The following NPAS4 variants were observed in gnomAD, a reference collection of about 807,000 sequenced individuals.
The protein encoded by NPAS4 is neuronal PAS domain-containing protein 4.
In NPAS4, 10 loss-of-function variants were observed where a neutral mutation model predicts 64.0. That is an observed-to-expected ratio of 0.16 (90% CI 0.10 to 0.26). The LOEUF is 0.26. Among genes scored for constraint, NPAS4 ranks in the 10% least tolerant of loss-of-function variants. NPAS4 has a pLI of 1.00. For missense variants in NPAS4, 886 were observed against 992.6 expected, an observed-to-expected ratio of 0.89 and a Z score of 1.44; for synonymous variants, 441 against 411.7, an observed-to-expected ratio of 1.07 and a Z score of -0.86.
At chr11:66,419,239 T>C (rs1473938545), upstream of NPAS4, among the ~76,000 whole-genome samples, 1 of 152,090 alleles carries the variant, frequency 6.6e-6, no homozygotes, top group Non-Finnish European at 1.5e-5. Flanking sequence ...CATCGTTCCC[T>C]CCACCTCAGC....
At chr11:66,420,962 CG>C (rs1856731420), upstream of NPAS4, 3 of 525,110 alleles carry the variant, frequency 5.7e-6, no homozygotes, top group African/African-American at 5.8e-5. Flanking sequence ...CCCGCTCTCC[CG>C]CCCCCCCGGC....
At chr11:66,411,778 G>T in the NPAS4 span, among the ~76,000 whole-genome samples, 1 of 152,154 alleles carries the variant, frequency 6.6e-6, no homozygotes. Flanking sequence ...CCTGCTCGTG[G>T]GGGTCTCCTC....
the NPAS4 span, among the ~76,000 whole-genome samples, chr11:66,413,894 C>A: frequency 6.6e-6 from 1 of 152,300 alleles, no homozygotes; most frequent in South Asian, 2.1e-4. Flanking sequence ...CCTGCAGGTT[C>A]CATGAGGCCA....
upstream of NPAS4, among the ~76,000 whole-genome samples, chr11:66,416,418 C>T (rs1313821765): frequency 6.6e-6 from 1 of 152,202 alleles, no homozygotes; most frequent in Non-Finnish European, 1.5e-5. Context: ...CATTTGGCAA[C>T]AAGCTACAGT....
At position 66,423,975 on chromosome 11, in the gene NPAS4, T is replaced by C. The variant is rs1374828344; in HGVS notation, c.1085T>C (p.Leu362Pro). Reference sequence around the variant, plus strand: ...GAAGAGTGCTCCAGCACTAACCCACTCTTCACCGCAGCACTGGGGGCTCCC... The same window carrying C: ...GAAGAGTGCTCCAGCACTAACCCACCCTTCACCGCAGCACTGGGGGCTCCC... ...SQEECSSTNP[L>P]FTAALGAPRS... Residue 362 changes from leucine (L) to proline (P), a missense_variant, in exon 7 of 8, where the codon CTC becomes CCC. Leu to Pro is a moderately conservative substitution (Grantham distance 98, BLOSUM62 -3). Transcript: ENST00000311034. The C allele has an allele frequency of 5.6e-6, 9 of 1,613,946 alleles. No individual in the cohort carries two copies. The South Asian group carries it at 8.8e-5, about 16-fold the overall frequency.
At chr11:66,423,083 G>A in intron 4 of NPAS4, 40 bp from the exon 5 acceptor site, 8 of 1,533,450 alleles carry the variant, frequency 5.2e-6, no homozygotes, top group Non-Finnish European at 7.1e-6. Context: ...TATCAAGCAA[G>A]GAAAACAGAA....
chr11:66,422,315 G>A (rs757947483), intron 2 of NPAS4, 44 bp downstream of exon 2: 4 of 1,602,310 alleles, frequency 2.5e-6, no homozygotes, highest in Non-Finnish European at 3.4e-6. Flanking sequence ...GCATGGAGTG[G>A]GTGCCGTGAG....
upstream of NPAS4, among the ~76,000 whole-genome samples, chr11:66,417,621 G>C (rs1856686136): frequency 6.6e-6 from 1 of 152,120 alleles, no homozygotes; most frequent in Non-Finnish European, 1.5e-5. Context: ...TGACCTCAGA[G>C]AGGGCAACAG....
chr11:66,412,312 C>T, the NPAS4 span, among the ~76,000 whole-genome samples: 13 of 152,290 alleles, frequency 8.5e-5, no homozygotes, highest in South Asian at 1.5e-3. Flanking sequence ...AGCTGCTGCC[C>T]GGGGAAGGAG....
Position 66,425,949 on chromosome 11 carries a change from A to G in NPAS4, c.2381-12A>G, listed in dbSNP as rs1856833083. On this transcript the variant is annotated splice_polypyrimidine_tract_variant and intron_variant, in intron 7 of 7. Transcript: ENST00000311034. The stretch of plus-strand genomic sequence containing the variant: ...CTAACTGATTGTGTTCTCTCTATCT[A>G]TCTCTCTGCAGATGGAAGTGGAGGG... 6.2e-7 allele frequency: 1 copy of G among 1,604,520 alleles called. No individual in the cohort carries two copies. The highest frequency in any genetic ancestry group is 1.3e-5 in the African/African-American group (1 of 74,784).
Position 66,424,999 on chromosome 11 carries a change from G to C in NPAS4, c.2109G>C (p.Met703Ile), listed in dbSNP as rs147413337. ...ELDFLADPDN[M>I]FLEETPVEDI... ...ACTTCCTGGCTGACCCTGATAACAT[G>C]TTCCTGGAAGAGACGCCCGTGGAAG... The change falls in exon 7 of 8, where the codon ATG becomes ATC. Residue 703 changes from methionine to isoleucine, a missense_variant. This residue lies in a region of NPAS4 where 820 missense variants were observed against 855.5 expected (regional missense o/e 0.96). Coordinates refer to ENST00000311034, the MANE Select transcript of NPAS4 (RefSeq NM_178864.4). The C allele has an allele frequency of 6.2e-7, 1 of 1,614,106 alleles. No individual in the cohort carries two copies. Among genetic ancestry groups the C allele is most frequent in the African/African-American group, 1.3e-5 (1 of 75,042 alleles).
At chr11:66,420,966 C>T (rs1275884018), upstream of NPAS4, 4 of 529,366 alleles carry the variant, frequency 7.6e-6, no homozygotes, top group South Asian at 2.6e-5. Flanking sequence ...CTCTCCCGCC[C>T]CCCCGGCTCT....
rs373430880 is a variant in NPAS4, at chr11:66,424,651, G to A, written c.1761G>A (p.Thr587=). The change falls in exon 7 of 8, where the codon ACG becomes ACA. Residue 587 remains threonine, a synonymous_variant. Transcript: ENST00000311034. ...SPSSPGNGDC[T]LLALAQLRGP... is the part of the protein sequence containing the mutation. ...GCAGCCCTGGTAATGGGGACTGCAC[G>A]CTCTTGGCCCTAGCCCAGCTCCGGG... 9.3e-6 allele frequency: 15 copies of A among 1,613,950 alleles called. No homozygotes were observed. The highest frequency in any genetic ancestry group is 6.7e-5 in the East Asian group (3 of 44,878).
upstream of NPAS4, among the ~76,000 whole-genome samples, chr11:66,420,163 A>G (rs1856719537): frequency 6.6e-6 from 1 of 152,268 alleles, no homozygotes; most frequent in Non-Finnish European, 1.5e-5. Context: ...GGGATGCCTA[A>G]GTGCAGACCC....
At chr11:66,418,812 C>A (rs1412233864), upstream of NPAS4, among the ~76,000 whole-genome samples, 1 of 152,148 alleles carries the variant, frequency 6.6e-6, no homozygotes, top group Non-Finnish European at 1.5e-5. Flanking sequence ...CTGTGGGTAC[C>A]CAAGCCCTAC....
Position 66,421,130 on chromosome 11 carries a change from G to A in NPAS4, c.-50G>A, listed in dbSNP as rs1181262073. On this transcript the variant is annotated 5_prime_UTR_variant, in exon 1 of 8. Transcript: ENST00000311034. ...GAGGAAGCCGCCGGTGCGTCGGGACGGGAGCGCAGGTGCTCGGGCACCCGA... is the reference window on the plus strand; with the variant it reads ...GAGGAAGCCGCCGGTGCGTCGGGACAGGAGCGCAGGTGCTCGGGCACCCGA... 2 of 1,514,692 alleles carry A rather than the reference G, an allele frequency of 1.3e-6. No individual in the cohort carries two copies. Among genetic ancestry groups the A allele is most frequent in the South Asian group, 1.2e-5 (1 of 84,278 alleles). The allele number at this position is 1,514,692 out of a possible 1,614,324, so 93.8% of individuals were successfully genotyped here.
intron 4 of NPAS4, 64 bp from the exon 5 acceptor site, chr11:66,423,059 G>A: frequency 6.7e-7 from 1 of 1,494,054 alleles, no homozygotes; most frequent in Non-Finnish European, 9.2e-7. Flanking sequence ...CTGGGAGGGA[G>A]TGAGATGCAT....
At chr11:66,421,457 G>C in intron 1 of NPAS4, 103 bp downstream of exon 1, 1 of 1,043,432 alleles carries the variant, frequency 9.6e-7, no homozygotes, top group Non-Finnish European at 1.4e-6. Context: ...CAGCGTGCTG[G>C]CGAGCTGGGG....
In NPAS4 at chr11:66,422,205, G is replaced by T; in HGVS notation, c.261G>T (p.Val87=). The T allele has an allele frequency of 6.2e-7, 1 of 1,614,066 alleles. No homozygotes were observed. ...IVAALPGFLL[V]FTAEGKLLYL... ...CGGCACTACCCGGCTTTCTGCTTGTGTTCACAGCCGAGGGGAAATTGCTCT... is the reference window on the plus strand; with the variant it reads ...CGGCACTACCCGGCTTTCTGCTTGTTTTCACAGCCGAGGGGAAATTGCTCT... Residue 87 remains valine, a synonymous_variant, in exon 2 of 8, where the codon GTG becomes GTT. Coordinates refer to ENST00000311034, the MANE Select transcript of NPAS4 (RefSeq NM_178864.4).
Sources: allele counts gnomAD v4.1 joint callset (sites outside exome capture counted in the v4.1 genomes callset), GRCh38; gene constraint gnomAD v4.1.1; regional missense constraint gnomAD v4.1.1; transcripts MANE v1.5; gene names NCBI Gene and HGNC (gene_info 2026-07-23, HGNC 2026-07-21).